SDHAF3: variants seen among roughly 807,000 people sequenced by gnomAD.
The protein encoded by SDHAF3 is succinate dehydrogenase complex assembly factor 3.
SDHAF3 carries 18 observed loss-of-function variants against 11.5 expected under a neutral mutation model. The ratio of observed to expected loss-of-function variants is 1.56; its 90% CI spans 1.08 to 2.32. The LOEUF is 2.32. Ranked by LOEUF, SDHAF3 falls within the 30% of genes most tolerant of loss-of-function variation. The pLI is 0.00. For missense variants in SDHAF3, 200 were observed against 154.4 expected (o/e 1.30, Z -1.57); for synonymous variants, 72 against 59.3 (o/e 1.21, Z -0.99).
At chr7:97,175,995 C>T (rs1259928219) in intron 1 of SDHAF3, among the ~76,000 whole-genome samples, 1 of 152,128 alleles carries the variant, frequency 6.6e-6, no homozygotes, top group African/African-American at 2.4e-5. Flanking sequence ...ATGGCCATAT[C>T]GCTCCAAACT....
Position 97,117,748 on chromosome 7 carries a change from GT to G in SDHAF3, c.26del (p.Val9AlafsTer27). On this transcript the variant is annotated frameshift_variant, in exon 1 of 2. Coordinates refer to ENST00000432641, the MANE Select transcript of SDHAF3 (RefSeq NM_020186.3). LOFTEE classifies it high-confidence loss of function. ...TATGCCGGGGCGGCACGTTTCTCGA[GT>G]CCGGGCATTGTACAAGCGCGTCTTG... MPGRHVSR[V>X]RALYKRVLQL... The G allele has an allele frequency of 6.2e-7, 1 of 1,613,860 alleles. No homozygotes were observed. The highest frequency in any genetic ancestry group is 8.5e-7 in the Non-Finnish European group (1 of 1,179,884).
intron 1 of SDHAF3, among the ~76,000 whole-genome samples, chr7:97,156,533 TA>T (rs2115704857): frequency 6.6e-6 from 1 of 152,312 alleles, no homozygotes; most frequent in Admixed American, 6.5e-5. Flanking sequence ...TTTTAGGGGT[TA>T]GTTTAATTAA....
intron 1 of SDHAF3, among the ~76,000 whole-genome samples, chr7:97,131,683 G>A (rs1791672955): frequency 2.0e-5 from 3 of 152,112 alleles, no homozygotes; most frequent in African/African-American, 7.2e-5. Context: ...CAAATAGAAT[G>A]TTTGGGATTA....
intron 1 of SDHAF3, among the ~76,000 whole-genome samples, chr7:97,161,541 G>A (rs865945146): frequency 5.9e-5 from 9 of 151,978 alleles, no homozygotes; most frequent in Admixed American, 1.3e-4. Context: ...CCATCAACCC[G>A]TCACCTACAT....
At chr7:97,158,934 A>C (rs933517238) in intron 1 of SDHAF3, among the ~76,000 whole-genome samples, 3 of 152,234 alleles carry the variant, frequency 2.0e-5, no homozygotes, top group African/African-American at 4.8e-5. Context: ...ATACACGTGT[A>C]AACAACCTGT....
At chr7:97,120,636 T>C (rs1328411293) in intron 1 of SDHAF3, among the ~76,000 whole-genome samples, 2 of 152,164 alleles carry the variant, frequency 1.3e-5, no homozygotes, top group Admixed American at 1.3e-4. Flanking sequence ...AACTTAATGG[T>C]TACGTTTACA....
chr7:97,161,545 C>T (rs371287079), intron 1 of SDHAF3, among the ~76,000 whole-genome samples: 7 of 152,040 alleles, frequency 4.6e-5, no homozygotes, highest in East Asian at 3.9e-4. Flanking sequence ...CAACCCGTCA[C>T]CTACATTAGG....
chr7:97,162,801 T>A (rs559768790), intron 1 of SDHAF3, among the ~76,000 whole-genome samples: 1 of 152,216 alleles, frequency 6.6e-6, no homozygotes, highest in African/African-American at 2.4e-5. Flanking sequence ...AGGAGTGTTT[T>A]ACTTCCAATT....
chr7:97,166,753 G>GGA (rs1789512441), intron 1 of SDHAF3, among the ~76,000 whole-genome samples: 1 of 151,712 alleles, frequency 6.6e-6, no homozygotes, highest in Admixed American at 6.6e-5. Context: ...TGGCGGGGGG[G>GGA]GCTTAGAATT....
At chr7:97,118,139 C>T (rs927135414) in intron 1 of SDHAF3, among the ~76,000 whole-genome samples, 4 of 152,124 alleles carry the variant, frequency 2.6e-5, no homozygotes, top group Non-Finnish European at 5.9e-5. Flanking sequence ...GCCAGGTGCT[C>T]AAAGGGTGAG....
chr7:97,169,939 C>T (rs1416675086), intron 1 of SDHAF3, among the ~76,000 whole-genome samples: 1 of 151,816 alleles, frequency 6.6e-6, no homozygotes, highest in African/African-American at 2.4e-5. Flanking sequence ...TTTTTGTTCC[C>T]CATCAATTTT....
chr7:97,172,214 A>G (rs1035663102), intron 1 of SDHAF3, among the ~76,000 whole-genome samples: 1 of 152,096 alleles, frequency 6.6e-6, no homozygotes, highest in African/African-American at 2.4e-5. Flanking sequence ...CAAGTTGATT[A>G]TTTTACTTGG....
At chr7:97,159,879 G>A (rs1293869794) in intron 1 of SDHAF3, among the ~76,000 whole-genome samples, 1 of 152,170 alleles carries the variant, frequency 6.6e-6, no homozygotes, top group Non-Finnish European at 1.5e-5. Context: ...TGTATTTGTT[G>A]CTTTTTGGAG....
At chr7:97,146,824 T>C (rs540770680) in intron 1 of SDHAF3, among the ~76,000 whole-genome samples, 238 of 151,386 alleles carry the variant, frequency 1.6e-3, no homozygotes, top group Non-Finnish European at 3.1e-3. Flanking sequence ...TCTCACTCTG[T>C]CGCCCAGGCC....
chr7:97,166,550 T>G (rs1789508386), intron 1 of SDHAF3, among the ~76,000 whole-genome samples: 1 of 152,180 alleles, frequency 6.6e-6, no homozygotes, highest in African/African-American at 2.4e-5. Flanking sequence ...GAGAACAGAT[T>G]GTAAGACTTA....
intron 1 of SDHAF3, among the ~76,000 whole-genome samples, chr7:97,138,242 G>A (rs530862164): frequency 1.7e-4 from 26 of 150,418 alleles, no homozygotes; most frequent in Admixed American, 7.3e-4. Flanking sequence ...TCACTGCAAC[G>A]TCCGCCTCCC....
At chr7:97,147,145 C>T (rs868775460) in intron 1 of SDHAF3, among the ~76,000 whole-genome samples, 2 of 152,234 alleles carry the variant, frequency 1.3e-5, no homozygotes, top group South Asian at 4.1e-4. Context: ...TTATTTTAAA[C>T]GTTTTGCCAA....
intron 1 of SDHAF3, among the ~76,000 whole-genome samples, chr7:97,170,635 AGCCAAGAACTTTC>A (rs1393633491): frequency 6.6e-6 from 1 of 152,156 alleles, no homozygotes; most frequent in African/African-American, 2.4e-5. Flanking sequence ...CTACTTCCTT[AGCCAAGAACTTTC>A]TACGTTCTTG....
chr7:97,148,330 A>T (rs1415236154), intron 1 of SDHAF3, among the ~76,000 whole-genome samples: 1 of 152,156 alleles, frequency 6.6e-6, no homozygotes, highest in Non-Finnish European at 1.5e-5. Context: ...AAGCCAGGAG[A>T]TGGAGACCAG....
Sources: gnomAD v4.1 joint callset for allele counts (sites outside exome capture counted in the v4.1 genomes callset) on GRCh38, gnomAD v4.1.1 for gene constraint, MANE v1.5 for transcripts, NCBI Gene and HGNC (gene_info 2026-07-23, HGNC 2026-07-21) for gene names.